CNGB3: variants seen among roughly 807,000 people sequenced by gnomAD.
CNGB3 encodes the protein cyclic nucleotide gated channel subunit beta 3, also known as cyclic nucleotide-gated channel beta-3.
In CNGB3, 86 loss-of-function variants were observed where a neutral mutation model predicts 92.8. The ratio of observed to expected loss-of-function variants is 0.93; its 90% CI spans 0.78 to 1.11. The LOEUF (loss-of-function observed/expected upper bound fraction) is 1.11. Ranked by LOEUF, CNGB3 falls within the 50% of genes least tolerant of loss-of-function variation. The pLI, the probability that CNGB3 is intolerant of heterozygous loss-of-function variation, is 0.00. For missense variants in CNGB3, 1,026 were observed against 956.8 expected (o/e 1.07, Z -0.95); for synonymous variants, 333 against 332.7 (o/e 1.00, Z -0.01).
At chr8:86,685,384 C>T (rs956075440) in intron 3 of CNGB3, among the ~76,000 whole-genome samples, 4 of 151,994 alleles carry the variant, frequency 2.6e-5, no homozygotes, top group South Asian at 2.1e-4. Flanking sequence ...TCAGAATCTG[C>T]GTTTTCACAA....
chr8:86,675,139 T>A (rs1823941371), intron 3 of CNGB3, among the ~76,000 whole-genome samples: 2 of 152,040 alleles, frequency 1.3e-5, no homozygotes, highest in Admixed American at 6.6e-5. Flanking sequence ...TTGTATTTTT[T>A]AAATTAGACA....
At chr8:86,702,375 A>G (rs1824572713) in intron 3 of CNGB3, among the ~76,000 whole-genome samples, 1 of 152,208 alleles carries the variant, frequency 6.6e-6, no homozygotes, top group Non-Finnish European at 1.5e-5. Context: ...TTATATTATT[A>G]TAGGTAATGA....
At chr8:86,723,772 C>T (rs1054555479) in intron 3 of CNGB3, among the ~76,000 whole-genome samples, 2 of 152,182 alleles carry the variant, frequency 1.3e-5, no homozygotes, top group Admixed American at 6.6e-5. Flanking sequence ...GAACTTTAAG[C>T]TAACTTGGGT....
intron 3 of CNGB3, among the ~76,000 whole-genome samples, chr8:86,724,906 T>C (rs923495800): frequency 6.6e-6 from 1 of 151,884 alleles, no homozygotes; most frequent in Non-Finnish European, 1.5e-5. Flanking sequence ...AAGTTGTGTG[T>C]TGGGAGAGGA....
intron 2 of CNGB3, among the ~76,000 whole-genome samples, chr8:86,736,762 G>T (rs1264864839): frequency 6.6e-6 from 1 of 151,884 alleles, no homozygotes; most frequent in South Asian, 2.1e-4. Flanking sequence ...AAAAAAAAAG[G>T]CAAGACCACA....
rs545792186 is a variant in CNGB3, at chr8:86,718,646, G to A, written c.338+7885C>T. 8.3e-4 allele frequency among the ~76,000 whole-genome samples: 126 copies of A among 152,206 alleles called. 1 individual carries two copies. The South Asian group carries it at 8.3e-3, about 10-fold the overall frequency. On this transcript the variant is annotated intron_variant, in intron 3 of 17. Transcript: ENST00000320005. Reference sequence around the variant, plus strand: ...CTATTCTACAGGACAGAGATAAAGGGAATTGTCCTTAAATCATTATATGAA... The same window carrying A: ...CTATTCTACAGGACAGAGATAAAGGAAATTGTCCTTAAATCATTATATGAA...
rs16916626 is a variant in CNGB3, at chr8:86,667,452, G to A, written c.644-319C>T. On this transcript the variant is annotated intron_variant, in intron 5 of 17. Transcript: ENST00000320005. ...ACGAGAATTTCAAGAAAAGTTGGAA[G>A]GACTTTGCACAGACATCACTGCAGC... Among the ~76,000 whole-genome samples, 232 of 152,326 alleles carry A rather than the reference G, an allele frequency of 1.5e-3. 1 individual carries two copies. The East Asian group carries it at 0.043, about 28-fold the overall frequency.
intron 13 of CNGB3, among the ~76,000 whole-genome samples, chr8:86,623,173 C>G (rs1398039920): frequency 6.6e-6 from 1 of 152,076 alleles, no homozygotes; most frequent in East Asian, 1.9e-4. Flanking sequence ...TGAAATACAC[C>G]AATATGCTGA....
At chr8:86,720,285 T>C (rs1167960855) in intron 3 of CNGB3, among the ~76,000 whole-genome samples, 1 of 151,964 alleles carries the variant, frequency 6.6e-6, no homozygotes, top group Non-Finnish European at 1.5e-5. Flanking sequence ...TGCAAGGAAC[T>C]CAAACACATC....
At chr8:86,636,537 C>A (rs1419189657) in intron 10 of CNGB3, among the ~76,000 whole-genome samples, 1 of 122,238 alleles carries the variant, frequency 8.2e-6, no homozygotes, top group East Asian at 2.6e-4. Context: ...GGTGCCACTG[C>A]ACTCTAGCCG....
At chr8:86,582,815 C>A (rs1414338123) in intron 15 of CNGB3, among the ~76,000 whole-genome samples, 2 of 151,928 alleles carry the variant, frequency 1.3e-5, no homozygotes, top group African/African-American at 2.4e-5. Context: ...CCTTGCCCTG[C>A]AAAAAACATT....
chr8:86,732,058 A>G (rs1372123048), intron 2 of CNGB3, among the ~76,000 whole-genome samples: 1 of 152,218 alleles, frequency 6.6e-6, no homozygotes, highest in Non-Finnish European at 1.5e-5. Context: ...CATGCAAACT[A>G]CAACATAAAA....
chr8:86,604,924 A>T (rs752778058), intron 14 of CNGB3, among the ~76,000 whole-genome samples: 2 of 152,188 alleles, frequency 1.3e-5, no homozygotes, highest in Non-Finnish European at 2.9e-5. Context: ...AAGATTTATG[A>T]TGTGTACCTT....
intron 7 of CNGB3, among the ~76,000 whole-genome samples, chr8:86,649,804 C>G (rs1177123405): frequency 6.6e-6 from 1 of 151,364 alleles, no homozygotes; most frequent in African/African-American, 2.4e-5. Flanking sequence ...TAAATGGGAC[C>G]TGATTAAAAA....
At chr8:86,622,481 C>T (rs1277962415) in intron 13 of CNGB3, among the ~76,000 whole-genome samples, 1 of 151,110 alleles carries the variant, frequency 6.6e-6, no homozygotes, top group Non-Finnish European at 1.5e-5. Flanking sequence ...CACTTATGTA[C>T]CTTCCCCGGC....
chr8:86,605,571 C>T (rs1291376625), intron 14 of CNGB3, among the ~76,000 whole-genome samples: 1 of 152,106 alleles, frequency 6.6e-6, no homozygotes, highest in Non-Finnish European at 1.5e-5. Flanking sequence ...TTAGAATACA[C>T]TAAAATCAAC....
At chr8:86,653,595 A>T (rs1416707273) in intron 7 of CNGB3, among the ~76,000 whole-genome samples, 1 of 152,208 alleles carries the variant, frequency 6.6e-6, no homozygotes, top group Non-Finnish European at 1.5e-5. Flanking sequence ...TGTTATCTAA[A>T]CAATTGCTTC....
intron 15 of CNGB3, among the ~76,000 whole-genome samples, chr8:86,586,730 CTATCATTG>C (rs1327656306): frequency 6.7e-6 from 1 of 149,876 alleles, no homozygotes; most frequent in Non-Finnish European, 1.5e-5. Flanking sequence ...TTAATCCAGT[CTATCATTG>C]TTGGACATTT....
chr8:86,670,847 A>C, intron 4 of CNGB3, 97 bp downstream of exon 4: 2 of 1,269,102 alleles, frequency 1.6e-6, no homozygotes, highest in Admixed American at 3.4e-5. Context: ...TCATTTTCTC[A>C]GGGTCTGCTT....
Sources: allele counts gnomAD v4.1 joint callset (sites outside exome capture counted in the v4.1 genomes callset), GRCh38; gene constraint gnomAD v4.1.1; transcripts MANE v1.5; gene names NCBI Gene and HGNC (gene_info 2026-07-23, HGNC 2026-07-21).